The following PSG1 variants were observed in gnomAD, a reference collection of about 807,000 sequenced individuals.
PSG1 encodes pregnancy specific beta-1-glycoprotein 1, also known as pregnancy-specific beta-1-glycoprotein 1.
In PSG1, 60 loss-of-function variants were observed where a neutral mutation model predicts 41.4. That is an observed-to-expected ratio of 1.45 (90% confidence interval 1.18 to 1.80). The LOEUF is 1.80. PSG1 is among the 40% of genes most tolerant of loss of function. The pLI is 0.00. For synonymous variants in PSG1, 256 were observed against 192.9 expected, an observed-to-expected ratio of 1.33 and a Z score of -2.71; for missense variants, 806 against 516.9, an observed-to-expected ratio of 1.56 and a Z score of -5.42.
chr19:42,869,336 A>G, intron 3 of PSG1: 2 of 544,094 alleles, frequency 3.7e-6, no homozygotes, highest in Non-Finnish European at 6.0e-6. Flanking sequence ...GGCCCTCCCT[A>G]ATCAGTTGAC....
At position 42,871,966 on chromosome 19, in the gene PSG1, G is replaced by A. The variant is rs1058682; in HGVS notation, c.510C>T (p.Asp170=). ...GGTAGCTTGCGTCTGGAGTCTCAGGGTCACAGGTTAAGCTCACAGCCTCCA... is the reference window on the plus strand; with the variant it reads ...GGTAGCTTGCGTCTGGAGTCTCAGGATCACAGGTTAAGCTCACAGCCTCCA... ...ETMEAVSLTC[D]PETPDASYLW... The change falls in exon 3 of 6, where the codon GAC becomes GAT. Residue 170 remains aspartate (D), a synonymous_variant. Transcript: ENST00000436291. The A allele has an allele frequency of 1.7e-5, 27 of 1,612,498 alleles. No homozygotes were observed. The highest frequency in any genetic ancestry group is 2.2e-5 in the Non-Finnish European group (26 of 1,179,218).
intron 2 of PSG1, among the ~76,000 whole-genome samples, chr19:42,877,272 GT>G (rs1356682908): frequency 6.6e-6 from 1 of 151,646 alleles, no homozygotes; most frequent in African/African-American, 2.4e-5. Flanking sequence ...TCCTAAGGCA[GT>G]TGGGTGATGG....
intron 2 of PSG1, among the ~76,000 whole-genome samples, 159 bp downstream of exon 2, chr19:42,877,754 T>C (rs1465655148): frequency 6.6e-6 from 1 of 151,668 alleles, no homozygotes; most frequent in Admixed American, 6.6e-5. Flanking sequence ...TGTTGAAATT[T>C]GTCTCCTCTG....
Position 42,871,802 on chromosome 19 carries a change from G to A in PSG1, c.674C>T (p.Ala225Val), listed in dbSNP as rs138194009. The change falls in exon 3 of 6, where the codon GCC becomes GTC. Residue 225 changes from alanine (A) to valine (V), a missense_variant. By Grantham distance (64) the Ala-to-Val change is moderately conservative. Transcript: ENST00000436291. The stretch of plus-strand genomic sequence containing the variant: ...CAGGGTGACTGGGTCACTGCGGCTG[G>A]CACTCACTGGGTTCCGTATTTCACA... ...YECEIRNPVS[A>V]SRSDPVTLNL... is the part of the protein sequence containing the mutation. The A allele has an allele frequency of 1.0e-4, 164 of 1,612,480 alleles. 11 individuals are homozygous for A. The highest frequency in any genetic ancestry group is 1.5e-4 in the African/African-American group (11 of 74,672).
chr19:42,879,492 C>A (rs758425704), intron 1 of PSG1, 26 bp downstream of exon 1: 4 of 1,607,038 alleles, frequency 2.5e-6, no homozygotes, highest in African/African-American at 1.3e-5. Flanking sequence ...CTCCTCCTGT[C>A]CTCTCCCAGG....
chr19:42,878,178 G>A lies in PSG1; in HGVS notation c.165C>T (p.Val55=). ...CGGTAAGATTCTGGGGCAAATTGTG[G>A]ACAAGTAGAAGAACATCCTTCCCCT... is the stretch of plus-strand genomic sequence containing the variant. ...VSEGKDVLLL[V]HNLPQNLTGY... The change falls in exon 2 of 6, where the codon GTC becomes GTT. Residue 55 remains valine (V), a synonymous_variant. Transcript: ENST00000436291. 6.2e-7 allele frequency: 1 copy of A among 1,612,246 alleles called. No individual in the cohort carries two copies. The highest frequency in any genetic ancestry group is 8.5e-7 in the Non-Finnish European group (1 of 1,179,166).
At chr19:42,877,583 C>T (rs2061808157) in intron 2 of PSG1, among the ~76,000 whole-genome samples, 1 of 151,704 alleles carries the variant, frequency 6.6e-6, no homozygotes, top group South Asian at 2.1e-4. Context: ...TCAGGCCAAG[C>T]CCTACTCAGT....
At chr19:42,867,565 T>A in intron 5 of PSG1, 3 of 644,234 alleles carry the variant, frequency 4.7e-6, no homozygotes, top group Middle Eastern at 8.3e-4. Flanking sequence ...TAACCAATGA[T>A]TTCAAATGTG....
In PSG1 at chr19:42,868,158, C is replaced by A; in HGVS notation, c.1186G>T (p.Val396Phe). Residue 396 changes from valine to phenylalanine, a missense_variant, in exon 5 of 6, where the codon GTT becomes TTT. Val to Phe is a conservative substitution (Grantham distance 50). Transcript: ENST00000436291. ...TCCTTGCCAGTGGCTGAGTTACGAA[C>A]AGAGCAAACATAGAGCCCGCTATGC... ...TKHSGLYVCS[V>F]RNSATGKESS... 6.2e-7 allele frequency: 1 copy of A among 1,612,356 alleles called. No individual in the cohort carries two copies. The highest frequency in any genetic ancestry group is 8.5e-7 in the Non-Finnish European group (1 of 1,179,078).
rs1971409197 is a variant in PSG1 at position 42,871,957 on chromosome 19, A to G, written c.519T>C (p.Thr173=). Residue 173 remains threonine (T), a synonymous_variant, in exon 3 of 6, where the codon ACT becomes ACC. Transcript: ENST00000436291. ...TCCACCACAGGTAGCTTGCGTCTGG[A>G]GTCTCAGGGTCACAGGTTAAGCTCA... ...EAVSLTCDPE[T]PDASYLWWMN... 2 of 1,612,292 alleles carry G rather than the reference A, an allele frequency of 1.2e-6. No homozygotes were observed. The highest frequency in any genetic ancestry group is 1.7e-6 in the Non-Finnish European group (2 of 1,179,212).
intron 2 of PSG1, among the ~76,000 whole-genome samples, chr19:42,875,901 C>T (rs1395779871): frequency 2.0e-5 from 3 of 149,656 alleles, no homozygotes; most frequent in African/African-American, 7.4e-5. Flanking sequence ...ACTGCCTATC[C>T]CTGTCCCATG....
At chr19:42,871,133 G>C (rs1254632478) in intron 3 of PSG1, among the ~76,000 whole-genome samples, 4 of 151,638 alleles carry the variant, frequency 2.6e-5, no homozygotes, top group African/African-American at 7.3e-5. Context: ...TCTTGATTAT[G>C]AGATTTGTTC....
intron 3 of PSG1, 141 bp from the exon 4 acceptor site, chr19:42,869,175 A>G: frequency 1.3e-6 from 2 of 1,497,268 alleles, no homozygotes; most frequent in Non-Finnish European, 1.8e-6. Context: ...TTGTCACAAG[A>G]TAGATGCATG....
intron 1 of PSG1, chr19:42,878,525 C>T (rs573900416): frequency 8.0e-6 from 5 of 622,066 alleles, no homozygotes; most frequent in Non-Finnish European, 1.2e-5. Context: ...TTCAACACTT[C>T]TGACGTTGGC....
intron 2 of PSG1, 111 bp from the exon 3 acceptor site, chr19:42,872,156 A>G: frequency 7.0e-7 from 1 of 1,436,576 alleles, no homozygotes; most frequent in Non-Finnish European, 9.4e-7. Context: ...CAAGTCCTTA[A>G]AAGCCCATGG....
intron 2 of PSG1, among the ~76,000 whole-genome samples, chr19:42,873,237 C>T (rs981733121): frequency 7.9e-5 from 12 of 151,718 alleles, no homozygotes; most frequent in African/African-American, 2.9e-4. Context: ...TTTTGGATGT[C>T]TAATTATTTT....
At position 42,866,846 on chromosome 19, in the gene PSG1, A is replaced by G. The variant is rs1488675590; in HGVS notation, c.*288T>C. On this transcript the variant is annotated 3_prime_UTR_variant, in exon 6 of 6. Coordinates refer to ENST00000436291, the MANE Select transcript of PSG1 (RefSeq NM_001184825.2). ...GCAGGCATGAGCAAGGACAGTTAAG[A>G]GGGGGGAGAGCCTCATCATGATGGG... is the stretch of plus-strand genomic sequence containing the variant. 3 of 619,382 alleles carry G rather than the reference A, an allele frequency of 4.8e-6. No homozygotes were observed. In the African/African-American group the frequency reaches 5.5e-5, roughly 11 times the overall value. The allele number at this position is 619,382 out of a possible 1,614,324, so 38.4% of individuals were successfully genotyped here.
rs1971597029 is a variant in PSG1, at chr19:42,876,181, C to T, written c.430+1732G>A. Among the ~76,000 whole-genome samples, 2 of 151,252 alleles carry T rather than the reference C, an allele frequency of 1.3e-5. 1 individual carries two copies. Among genetic ancestry groups the T allele is most frequent in the African/African-American group, 4.9e-5 (2 of 41,124 alleles). ...AAGAAGCTGTGCAGGACAGGGCTTG[C>T]CAGTCAGAATGAAGTGGGAGGAAGA... On this transcript the variant is annotated intron_variant, in intron 2 of 5. Transcript: ENST00000436291.
At position 42,878,119 on chromosome 19, in the gene PSG1, A is replaced by G. The variant is rs773134293; in HGVS notation, c.224T>C (p.Leu75Pro). The G allele has an allele frequency of 1.2e-6, 2 of 1,612,352 alleles. No homozygotes were observed. The highest frequency in any genetic ancestry group is 3.3e-5 in the Admixed American group (2 of 59,844). ...YIWYKGQMRD[L>P]YHYITSYVVD... Reference sequence around the variant, plus strand: ...TACATATGATGTAATGTAATGGTAGAGGTCCCTCATTTGCCCTTTGTACCA... The same window carrying G: ...TACATATGATGTAATGTAATGGTAGGGGTCCCTCATTTGCCCTTTGTACCA... Residue 75 changes from leucine to proline, a missense_variant, in exon 2 of 6, where the codon CTC becomes CCC. By Grantham distance (98) the Leu-to-Pro change is moderately conservative. Transcript: ENST00000436291.
Sources: gnomAD v4.1 joint callset for allele counts (sites outside exome capture counted in the v4.1 genomes callset) on GRCh38, gnomAD v4.1.1 for gene constraint, MANE v1.5 for transcripts, NCBI Gene and HGNC (gene_info 2026-07-23, HGNC 2026-07-21) for gene names.